ANTXR2: variants seen among roughly 807,000 people sequenced by gnomAD.
ANTXR2 encodes anthrax toxin receptor 2.
In ANTXR2, 44 loss-of-function variants were observed where a neutral mutation model predicts 73.7. The observed-to-expected ratio is 0.60, with a 90% confidence interval of 0.47 to 0.77. ANTXR2 has a LOEUF of 0.77. ANTXR2 is among the 30% of genes least tolerant of loss of function. The pLI is 0.00. For synonymous variants in ANTXR2, 217 were observed against 205.9 expected, an observed-to-expected ratio of 1.05 and a Z score of -0.46; for missense variants, 604 against 592.5, an observed-to-expected ratio of 1.02 and a Z score of -0.20.
rs373903723 is a variant in ANTXR2, at chr4:80,059,996, G to A, written c.297-3983C>T. 1.7e-4 allele frequency among the ~76,000 whole-genome samples: 26 copies of A among 152,176 alleles called. 1 individual carries two copies. The highest frequency in any genetic ancestry group is 7.2e-4 in the Admixed American group (11 of 15,266). On this transcript the variant is annotated intron_variant, in intron 3 of 16. Transcript: ENST00000403729. The stretch of plus-strand genomic sequence containing the variant: ...AGTATCTCCTACTTTTTCTTTCTAC[G>A]ATGTGTCTGTACAGTACTTGAACTT...
At chr4:79,924,713 C>CA (rs942643671) in intron 16 of ANTXR2, among the ~76,000 whole-genome samples, 3 of 151,994 alleles carry the variant, frequency 2.0e-5, no homozygotes, top group Admixed American at 6.6e-5. Context: ...ACTGCAACTA[C>CA]AAAAAATCTA....
At chr4:79,917,629 G>T (rs1727406278) in intron 16 of ANTXR2, among the ~76,000 whole-genome samples, 1 of 152,076 alleles carries the variant, frequency 6.6e-6, no homozygotes, top group South Asian at 2.1e-4. Flanking sequence ...CTCTACTGAA[G>T]GCAAATCCTT....
At chr4:79,975,140 G>GATGCCACATCTATGGAA (rs1237002369) in intron 16 of ANTXR2, among the ~76,000 whole-genome samples, 1 of 152,132 alleles carries the variant, frequency 6.6e-6, no homozygotes, top group African/African-American at 2.4e-5. Context: ...CTTTGCTCAT[G>GATGCCACATCTATGGAA]ATGCCACATC....
At position 79,987,923 on chromosome 4, in the gene ANTXR2, G is replaced by C. The variant is rs148047877; in HGVS notation, c.1042-3060C>G. Among the ~76,000 whole-genome samples the C allele has an allele frequency of 2.4e-4, 36 of 152,098 alleles. 1 individual carries two copies. The highest frequency in any genetic ancestry group is 8.2e-4 in the African/African-American group (34 of 41,504). ...CATTTTCAAACAAGCAAATGCTAAGGGAATCCATTACTATCAGTTATGTTT... is the reference window on the plus strand; with the variant it reads ...CATTTTCAAACAAGCAAATGCTAAGCGAATCCATTACTATCAGTTATGTTT... On this transcript the variant is annotated intron_variant, in intron 12 of 16. Coordinates refer to ENST00000403729, the MANE Select transcript of ANTXR2 (RefSeq NM_058172.6).
intron 12 of ANTXR2, among the ~76,000 whole-genome samples, chr4:79,986,342 T>A (rs1450437072): frequency 6.6e-6 from 1 of 152,186 alleles, no homozygotes; most frequent in African/African-American, 2.4e-5. Context: ...TTTCAAAGGT[T>A]TAAAACAATA....
At chr4:79,944,490 G>A (rs1349139776) in intron 16 of ANTXR2, among the ~76,000 whole-genome samples, 1 of 147,084 alleles carries the variant, frequency 6.8e-6, no homozygotes, top group Non-Finnish European at 1.5e-5. Flanking sequence ...AAAACATGAT[G>A]TACTGCACTG....
chr4:80,069,935 G>C lies in ANTXR2; in HGVS notation c.225-428C>G, dbSNP rs143701297. Among the ~76,000 whole-genome samples, 593 of 152,294 alleles carry C rather than the reference G, an allele frequency of 3.9e-3. 5 individuals carry two copies. The highest frequency in any genetic ancestry group is 0.014 in the African/African-American group (570 of 41,556). On this transcript the variant is annotated intron_variant, in intron 2 of 16. Coordinates refer to ENST00000403729, the MANE Select transcript of ANTXR2 (RefSeq NM_058172.6). ...GACTTAATGACCATAACTATGATATGAGTCTATAAAAAAGTCATCCTGAAG... is the reference window on the plus strand; with the variant it reads ...GACTTAATGACCATAACTATGATATCAGTCTATAAAAAAGTCATCCTGAAG...
At chr4:79,932,882 A>G (rs1259333489) in intron 16 of ANTXR2, among the ~76,000 whole-genome samples, 1 of 151,628 alleles carries the variant, frequency 6.6e-6, no homozygotes, top group Non-Finnish European at 1.5e-5. Flanking sequence ...GCAGGAGGGT[A>G]GCAACTACAT....
chr4:79,921,751 T>G (rs1408928278), intron 16 of ANTXR2, among the ~76,000 whole-genome samples: 2 of 126,908 alleles, frequency 1.6e-5, no homozygotes, highest in African/African-American at 8.3e-5. Context: ...TTTGTTTGTT[T>G]GTTGGTTGGT....
At chr4:80,050,639 T>C (rs535846727) in intron 7 of ANTXR2, among the ~76,000 whole-genome samples, 2 of 151,816 alleles carry the variant, frequency 1.3e-5, no homozygotes, top group Admixed American at 1.3e-4. Flanking sequence ...AGAAATTACA[T>C]TGCCGGACAT....
intron 16 of ANTXR2, among the ~76,000 whole-genome samples, chr4:79,928,090 GC>G (rs754668592): frequency 1.1e-3 from 168 of 152,236 alleles, no homozygotes; most frequent in Non-Finnish European, 1.7e-3. Flanking sequence ...ACTCATAACT[GC>G]CAAAAAGTAG....
intron 16 of ANTXR2, among the ~76,000 whole-genome samples, chr4:79,918,878 G>A (rs1344634492): frequency 6.6e-6 from 1 of 151,928 alleles, no homozygotes; most frequent in African/African-American, 2.4e-5. Flanking sequence ...TGTAGTAGTA[G>A]AATACATGAC....
chr4:80,013,531 A>C (rs1404670816), intron 11 of ANTXR2, among the ~76,000 whole-genome samples: 2 of 152,240 alleles, frequency 1.3e-5, no homozygotes, highest in African/African-American at 4.8e-5. Flanking sequence ...ATAGTGTTCT[A>C]CTTTGTTTGG....
At chr4:79,996,318 TATGGATGGATGGATGGATGG>T (rs141810972) in intron 12 of ANTXR2, among the ~76,000 whole-genome samples, 1 of 148,760 alleles carries the variant, frequency 6.7e-6, no homozygotes, top group African/African-American at 2.5e-5. Flanking sequence ...CGGATGGATA[TATGGATGGATGGATGGATGG>T]ATGGATGGAT....
intron 12 of ANTXR2, among the ~76,000 whole-genome samples, chr4:79,993,085 CA>C (rs1187151054): frequency 6.6e-6 from 1 of 151,812 alleles, no homozygotes; most frequent in Non-Finnish European, 1.5e-5. Context: ...ATTTTATCTA[CA>C]AAAAAATAGT....
intron 12 of ANTXR2, among the ~76,000 whole-genome samples, chr4:80,007,396 A>T (rs1034963524): frequency 1.3e-5 from 2 of 152,006 alleles, no homozygotes; most frequent in Admixed American, 6.6e-5. Flanking sequence ...CCTTAAGATA[A>T]TTTTTTTTCT....
intron 16 of ANTXR2, among the ~76,000 whole-genome samples, chr4:79,921,983 ATATT>A (rs1727611135): frequency 6.6e-6 from 1 of 152,068 alleles, no homozygotes; most frequent in African/African-American, 2.4e-5. Flanking sequence ...TTAATTTTGA[ATATT>A]TATTACAGAT....
intron 3 of ANTXR2, among the ~76,000 whole-genome samples, chr4:80,058,706 G>T (rs926471808): frequency 6.6e-6 from 1 of 150,880 alleles, no homozygotes; most frequent in African/African-American, 2.4e-5. Context: ...AAATGAAAGC[G>T]AAAATGACTA....
chr4:80,027,849 G>A (rs372727707), intron 10 of ANTXR2, among the ~76,000 whole-genome samples: 7 of 152,232 alleles, frequency 4.6e-5, no homozygotes, highest in African/African-American at 1.2e-4. Context: ...ATAAGCCCAC[G>A]TTGCAAATAC....
Sources: gnomAD v4.1 joint callset for allele counts (sites outside exome capture counted in the v4.1 genomes callset) on GRCh38, gnomAD v4.1.1 for gene constraint, MANE v1.5 for transcripts, NCBI Gene and HGNC (gene_info 2026-07-23, HGNC 2026-07-21) for gene names.